The following RTL10 variants were observed in gnomAD, a reference collection of about 807,000 sequenced individuals.
The protein encoded by RTL10 is retrotransposon Gag like 10, also known as protein Bop.
For missense variants in RTL10, 477 were observed against 470.7 expected, an observed-to-expected ratio of 1.01 and a Z score of -0.12; for synonymous variants, 199 against 188.4, an observed-to-expected ratio of 1.06 and a Z score of -0.46.
chr22:19,852,050 G>C lies in RTL10; in HGVS notation c.212C>G (p.Thr71Ser). The change falls in exon 3 of 3, where the codon ACT becomes AGT. Residue 71 changes from threonine (T) to serine (S), a missense_variant. Physicochemically the swap from Thr to Ser is moderately conservative, Grantham distance 58. Transcript: ENST00000328554. ...TMEQKSTASG[T>S]CGGKPAERGP... The stretch of plus-strand genomic sequence containing the variant: ...CCTTTCTGCAGGTTTACCGCCACAA[G>C]TGCCACTAGCTGTGCTCTTCTGCTC... 1.2e-6 allele frequency: 2 copies of C among 1,614,220 alleles called. No homozygotes were observed. Among genetic ancestry groups the C allele is most frequent in the Non-Finnish European group, 1.7e-6 (2 of 1,180,040 alleles).
In RTL10 at chr22:19,851,490, G is replaced by A. The variant is rs1290078831; in HGVS notation, c.772C>T (p.Gln258Ter). The change falls in exon 3 of 3, where the codon CAG becomes TAG. Residue 258 changes from glutamine (Q) to a stop codon, truncating the protein, a stop_gained. Transcript: ENST00000328554. LOFTEE classifies it low-confidence loss of function (END_TRUNC). ...SVSRSALFEQ[Q>*]LTKESTPGPK... The stretch of plus-strand genomic sequence containing the variant: ...CCAGGGGTGCTCTCCTTGGTCAGCT[G>A]CTGCTCGAACAGAGCACTTCTAGAT... 3 of 1,614,172 alleles carry A rather than the reference G, an allele frequency of 1.9e-6. No individual in the cohort carries two copies. The highest frequency in any genetic ancestry group is 3.3e-5 in the Admixed American group (2 of 60,024).
intron 2 of RTL10, among the ~76,000 whole-genome samples, chr22:19,853,380 C>G (rs567575151): frequency 6.6e-6 from 1 of 152,264 alleles, no homozygotes; most frequent in South Asian, 2.1e-4. Flanking sequence ...AGCCAGTAGC[C>G]AGTTCTATTC....
In RTL10 at chr22:19,849,088, G is replaced by A. The variant is rs1021615900; in HGVS notation, c.*2079C>T. 6.1e-6 allele frequency: 6 copies of A among 985,404 alleles called. No homozygotes were observed. The South Asian group carries it at 2.8e-4, about 46-fold the overall frequency. 61.0% of individuals were successfully genotyped at this position (985,404 alleles called of 1,614,324 possible). On this transcript the variant is annotated 3_prime_UTR_variant, in exon 3 of 3. Coordinates refer to ENST00000328554, the MANE Select transcript of RTL10 (RefSeq NM_024627.6). ...CTGTGACCTGGCACAGAAGCATGGG[G>A]CTGGGCCAGGACATCCAGGGACTTC... is the stretch of plus-strand genomic sequence containing the variant.
chr22:19,850,169 C>T lies in RTL10; in HGVS notation c.*998G>A. The T allele has an allele frequency of 1.0e-6, 1 of 985,668 alleles. No individual in the cohort carries two copies. Among genetic ancestry groups the T allele is most frequent in the Non-Finnish European group, 1.2e-6 (1 of 830,102 alleles). 61.1% of individuals were successfully genotyped at this position (985,668 alleles called of 1,614,324 possible). A position where few individuals can be genotyped will look rare whatever the true frequency, so the allele number is the denominator to read the frequency against. ...AATGCTGACCTGGAATGCTCATGGC[C>T]AGGCCTCTGCTCCTGACAGAATGGG... On this transcript the variant is annotated 3_prime_UTR_variant, in exon 3 of 3. Transcript: ENST00000328554.
Position 19,846,729 on chromosome 22 carries a change from T to C in RTL10, c.*4438A>G. The C allele has an allele frequency of 2.8e-6, 1 of 361,422 alleles. No individual in the cohort carries two copies. The highest frequency in any genetic ancestry group is 3.9e-6 in the Non-Finnish European group (1 of 259,546). The allele number at this position is 361,422 out of a possible 1,614,324, so 22.4% of individuals were successfully genotyped here. On this transcript the variant is annotated 3_prime_UTR_variant, in exon 3 of 3. Transcript: ENST00000328554. ...ATAGACTAGTGAGCTTATGAGAGAT[T>C]AGGACACAGACACAGACAGGGACAC...
Position 19,847,998 on chromosome 22 carries a change from G to A in RTL10, c.*3169C>T, listed in dbSNP as rs1938006345. ...CGTTAATTGGAAACACCTCTAGCCT[G>A]TACTAAATTTCCATATTTATTTGGC... On this transcript the variant is annotated 3_prime_UTR_variant, in exon 3 of 3. Coordinates refer to ENST00000328554, the MANE Select transcript of RTL10 (RefSeq NM_024627.6). 1 of 984,896 alleles carries A rather than the reference G, an allele frequency of 1.0e-6. No homozygotes were observed. The highest frequency in any genetic ancestry group is 1.7e-5 in the African/African-American group (1 of 57,174). The allele number at this position is 984,896 out of a possible 1,614,324, so 61.0% of individuals were successfully genotyped here.
Position 19,846,287 on chromosome 22 carries a change from T to C in RTL10, c.*4880A>G. 2.8e-6 allele frequency: 1 copy of C among 363,052 alleles called. No homozygotes were observed. The highest frequency in any genetic ancestry group is 3.8e-6 in the Non-Finnish European group (1 of 260,300). 22.5% of individuals were successfully genotyped at this position (363,052 alleles called of 1,614,324 possible). ...TTACACTTACAGGTGGACTCAAGGTTGAATGTCAAAGGCAGAAAGTTACAA... is the reference window on the plus strand; with the variant it reads ...TTACACTTACAGGTGGACTCAAGGTCGAATGTCAAAGGCAGAAAGTTACAA... On this transcript the variant is annotated 3_prime_UTR_variant, in exon 3 of 3. Transcript: ENST00000328554.
In RTL10 at chr22:19,846,647, G is replaced by C; in HGVS notation, c.*4520C>G. ...CCCTAGTACTTACATTTGAAGACAG[G>C]GTCTTTAAAGAGGTAATTCAGGGTT... On this transcript the variant is annotated 3_prime_UTR_variant, in exon 3 of 3. Coordinates refer to ENST00000328554, the MANE Select transcript of RTL10 (RefSeq NM_024627.6). 2.6e-6 allele frequency: 2 copies of C among 777,620 alleles called. No individual in the cohort carries two copies. Among genetic ancestry groups the C allele is most frequent in the South Asian group, 1.2e-4 (2 of 17,144 alleles). The allele number at this position is 777,620 out of a possible 1,614,324, so 48.2% of individuals were successfully genotyped here.
Position 19,851,745 on chromosome 22 carries a change from G to A in RTL10, c.517C>T (p.Gln173Ter). 1.2e-6 allele frequency: 2 copies of A among 1,609,436 alleles called. No individual in the cohort carries two copies. The highest frequency in any genetic ancestry group is 1.7e-6 in the Non-Finnish European group (2 of 1,176,438). Reference protein sequence around the residue: ...PLPDDYELFCQDLKEVVQDPN... With the variant: ...PLPDDYELFC ...TCTTGAACAACTTCCTTGAGATCCTGGCAGAAGAGCTCGTAATCGTCAGGC... is the reference window on the plus strand; with the variant it reads ...TCTTGAACAACTTCCTTGAGATCCTAGCAGAAGAGCTCGTAATCGTCAGGC... Residue 173 changes from glutamine to a stop codon, truncating the protein, a stop_gained, in exon 3 of 3, where the codon CAG (glutamine) becomes TAG (stop). Coordinates refer to ENST00000328554, the MANE Select transcript of RTL10 (RefSeq NM_024627.6). LOFTEE classifies it low-confidence loss of function (END_TRUNC).
In RTL10 at chr22:19,851,920, C is replaced by T; in HGVS notation, c.342G>A (p.Leu114=). ...PGTFDGSPWL[L]DRFLAQLGDY... Reference sequence around the variant, plus strand: ...CGCCCAGCTGGGCCAAGAAGCGGTCCAGTAGCCACGGGGAGCCATCAAAGG... The same window carrying T: ...CGCCCAGCTGGGCCAAGAAGCGGTCTAGTAGCCACGGGGAGCCATCAAAGG... The change falls in exon 3 of 3, where the codon CTG becomes CTA. Residue 114 remains leucine (L), a synonymous_variant. Transcript: ENST00000328554. 1 of 1,614,142 alleles carries T rather than the reference C, an allele frequency of 6.2e-7. No homozygotes were observed. Among genetic ancestry groups the T allele is most frequent in the Non-Finnish European group, 8.5e-7 (1 of 1,180,004 alleles).
chr22:19,849,296 G>A lies in RTL10; in HGVS notation c.*1871C>T, dbSNP rs1047269723. 3.1e-6 allele frequency: 3 copies of A among 980,960 alleles called. No homozygotes were observed. Among genetic ancestry groups the A allele is most frequent in the Non-Finnish European group, 2.4e-6 (2 of 826,132 alleles). The allele number at this position is 980,960 out of a possible 1,614,324, so 60.8% of individuals were successfully genotyped here. ...ACACATAAAACCATCTGAACCCAGA[G>A]CCTTTTCTAGTGATAGTTACCATAA... is the stretch of plus-strand genomic sequence containing the variant. On this transcript the variant is annotated 3_prime_UTR_variant, in exon 3 of 3. Transcript: ENST00000328554.
Position 19,849,376 on chromosome 22 carries a change from T to G in RTL10, c.*1791A>C, listed in dbSNP as rs955458570. The G allele has an allele frequency of 1.2e-5, 11 of 881,082 alleles. No homozygotes were observed. Among genetic ancestry groups the G allele is most frequent in the Non-Finnish European group, 1.5e-5 (11 of 739,482 alleles). 54.6% of individuals were successfully genotyped at this position (881,082 alleles called of 1,614,324 possible). A position where few individuals can be genotyped will look rare whatever the true frequency, so the allele number is the denominator to read the frequency against. ...ATAAGGTTTTTGTTTTTTGTTGTTT[T>G]TTTTTTTTTGGGATGGAGTTTCACT... On this transcript the variant is annotated 3_prime_UTR_variant, in exon 3 of 3. Transcript: ENST00000328554.
Position 19,852,127 on chromosome 22 carries a change from G to C in RTL10, c.135C>G (p.Pro45=), listed in dbSNP as rs1363401752. Reference sequence around the variant, plus strand: ...CCCCACAGCAGGGCCGCTCAATCCAGGGATCCACAAGGGGGGTGTATGCCA... The same window carrying C: ...CCCCACAGCAGGGCCGCTCAATCCACGGATCCACAAGGGGGGTGTATGCCA... ...PGVAYTPLVD[P]WIERPCCGDT... The change falls in exon 3 of 3, where the codon CCC becomes CCG. Residue 45 remains proline (P), a synonymous_variant. Coordinates refer to ENST00000328554, the MANE Select transcript of RTL10 (RefSeq NM_024627.6). 1 of 1,614,218 alleles carries C rather than the reference G, an allele frequency of 6.2e-7. No individual in the cohort carries two copies. Among genetic ancestry groups the C allele is most frequent in the African/African-American group, 1.3e-5 (1 of 75,074 alleles).
In RTL10 at chr22:19,852,142, G is replaced by A. The variant is rs374252372; in HGVS notation, c.120C>T (p.Thr40=). The A allele has an allele frequency of 1.7e-5, 27 of 1,614,054 alleles. No homozygotes were observed. In the African/African-American group the frequency reaches 3.3e-4, roughly 20 times the overall value. Residue 40 remains threonine, a synonymous_variant, in exon 3 of 3, where the codon ACC becomes ACT. Coordinates refer to ENST00000328554, the MANE Select transcript of RTL10 (RefSeq NM_024627.6). ...MDKASPGVAY[T]PLVDPWIERP... is the part of the protein sequence containing the mutation. ...GCTCAATCCAGGGATCCACAAGGGG[G>A]GTGTATGCCACCCCAGGAGACGCCT...
At position 19,852,359 on chromosome 22, in the gene RTL10, T is replaced by A. The variant is rs926873746; in HGVS notation, c.-98A>T. 3 of 1,365,546 alleles carry A rather than the reference T, an allele frequency of 2.2e-6. No homozygotes were observed. The highest frequency in any genetic ancestry group is 3.0e-6 in the Non-Finnish European group (3 of 991,838). The allele number at this position is 1,365,546 out of a possible 1,614,324, so 84.6% of individuals were successfully genotyped here. ...CACGACACAACAGGACAGGGATGGCTGAACAGGGCGTGGCAGACCCGCACT... is the reference window on the plus strand; with the variant it reads ...CACGACACAACAGGACAGGGATGGCAGAACAGGGCGTGGCAGACCCGCACT... On this transcript the variant is annotated 5_prime_UTR_variant, in exon 3 of 3. Transcript: ENST00000328554.
At position 19,851,238 on chromosome 22, in the gene RTL10, A is replaced by C; in HGVS notation, c.1024T>G (p.Leu342Val). ...TCCACCACCTCCTGTGGGGTACCTA[A>C]GGACACCTCCTGGTCTCCCTCTGTC... Reference protein sequence around the residue: ...LETEGDQEVSLGTPQEVVEAP... With the variant: ...LETEGDQEVSVGTPQEVVEAP... The change falls in exon 3 of 3, where the codon TTA becomes GTA. Residue 342 changes from leucine (L) to valine (V), a missense_variant. Physicochemically the swap from Leu to Val is conservative, Grantham distance 32. Transcript: ENST00000328554. 1 of 1,603,554 alleles carries C rather than the reference A, an allele frequency of 6.2e-7. No individual in the cohort carries two copies. Among genetic ancestry groups the C allele is most frequent in the African/African-American group, 1.3e-5 (1 of 74,790 alleles).
At position 19,847,601 on chromosome 22, in the gene RTL10, C is replaced by T; in HGVS notation, c.*3566G>A. The T allele has an allele frequency of 2.0e-6, 2 of 981,994 alleles. No individual in the cohort carries two copies. Among genetic ancestry groups the T allele is most frequent in the Non-Finnish European group, 2.4e-6 (2 of 828,338 alleles). The allele number at this position is 981,994 out of a possible 1,614,324, so 60.8% of individuals were successfully genotyped here. A position where few individuals can be genotyped will look rare whatever the true frequency, so the allele number is the denominator to read the frequency against. ...CAACCTCCAGTCCCTGCTCTAAACCCCCATGTAGTGGTACCGAACCATGAC... is the reference window on the plus strand; with the variant it reads ...CAACCTCCAGTCCCTGCTCTAAACCTCCATGTAGTGGTACCGAACCATGAC... On this transcript the variant is annotated 3_prime_UTR_variant, in exon 3 of 3. Coordinates refer to ENST00000328554, the MANE Select transcript of RTL10 (RefSeq NM_024627.6).
chr22:19,850,935 T>C lies in RTL10; in HGVS notation c.*232A>G. On this transcript the variant is annotated 3_prime_UTR_variant, in exon 3 of 3. Coordinates refer to ENST00000328554, the MANE Select transcript of RTL10 (RefSeq NM_024627.6). ...GGCACTCCCAGAAGACGGGCAGGGA[T>C]GCAGCAGAGAGCCAGCAGCAGGGAA... The C allele has an allele frequency of 1.5e-6, 2 of 1,367,892 alleles. No homozygotes were observed. Among genetic ancestry groups the C allele is most frequent in the South Asian group, 2.0e-5 (1 of 49,602 alleles). The allele number at this position is 1,367,892 out of a possible 1,614,324, so 84.7% of individuals were successfully genotyped here.
At position 19,847,919 on chromosome 22, in the gene RTL10, G is replaced by T; in HGVS notation, c.*3248C>A. 3.0e-6 allele frequency: 3 copies of T among 984,018 alleles called. No individual in the cohort carries two copies. In the South Asian group the frequency reaches 1.4e-4, roughly 46 times the overall value. 61.0% of individuals were successfully genotyped at this position (984,018 alleles called of 1,614,324 possible). On this transcript the variant is annotated 3_prime_UTR_variant, in exon 3 of 3. Transcript: ENST00000328554. ...GGCATAAAGAGTGAGGCACATACATGGCTTTACTATTTTCCAGAGGGCCAA... is the reference window on the plus strand; with the variant it reads ...GGCATAAAGAGTGAGGCACATACATTGCTTTACTATTTTCCAGAGGGCCAA...
Sources: gnomAD v4.1 joint callset for allele counts (sites outside exome capture counted in the v4.1 genomes callset) on GRCh38, gnomAD v4.1.1 for gene constraint, MANE v1.5 for transcripts, NCBI Gene and HGNC (gene_info 2026-07-23, HGNC 2026-07-21) for gene names.